The following LPAR1 variants were observed in gnomAD, a reference collection of about 807,000 sequenced individuals.
LPAR1 encodes the protein lysophosphatidic acid receptor 1.
A neutral mutation model predicts 23.8 loss-of-function variants in LPAR1; 5 were observed. The ratio of observed to expected loss-of-function variants is 0.21; its 90% CI spans 0.11 to 0.44. LPAR1 has a LOEUF of 0.44. Among genes scored for constraint, LPAR1 ranks in the 20% least tolerant of loss-of-function variants. The probability of loss-of-function intolerance (pLI) is 0.99; values close to 1 mark genes in which losing one functional copy is unlikely to be tolerated. For synonymous variants in LPAR1, 160 were observed against 164.7 expected (o/e 0.97, Z 0.22); for missense variants, 311 against 482.8 (o/e 0.64, Z 3.33).
intron 5 of LPAR1, among the ~76,000 whole-genome samples, chr9:110,887,458 C>T (rs2082720618): frequency 1.3e-5 from 2 of 152,022 alleles, no homozygotes; most frequent in Admixed American, 1.3e-4. Context: ...CCTATAGCTG[C>T]CAAATGCCCT....
intron 5 of LPAR1, among the ~76,000 whole-genome samples, chr9:110,891,986 C>T (rs933658005): frequency 6.6e-6 from 1 of 152,306 alleles, no homozygotes; most frequent in African/African-American, 2.4e-5. Context: ...TTGGCAGCTT[C>T]CTCAAAAGTT....
intron 2 of LPAR1, among the ~76,000 whole-genome samples, chr9:111,025,420 A>G (rs2097670748): frequency 6.6e-6 from 1 of 152,076 alleles, no homozygotes. Context: ...AATTTGTTTT[A>G]AGCTCCTTGT....
chr9:110,948,154 C>A (rs1236206302), intron 4 of LPAR1, among the ~76,000 whole-genome samples: 1 of 152,050 alleles, frequency 6.6e-6, no homozygotes, highest in Non-Finnish European at 1.5e-5. Flanking sequence ...TTCTTAAATT[C>A]AAAATAATCA....
At position 110,891,616 on chromosome 9, in the gene LPAR1, C is replaced by T. The variant is rs534615623; in HGVS notation, c.794-15894G>A. On this transcript the variant is annotated intron_variant, in intron 5 of 5. Transcript: ENST00000683809. ...AAACATGAAGAAAAGATCAAATGCT[C>T]AATAAATAGTCTTGGAATAATTTGA... Among the ~76,000 whole-genome samples the T allele has an allele frequency of 2.6e-5, 4 of 152,186 alleles. No homozygotes were observed. In the East Asian group the frequency reaches 7.7e-4, roughly 29 times the overall value.
intron 5 of LPAR1, among the ~76,000 whole-genome samples, chr9:110,897,262 T>C (rs914505235): frequency 6.6e-6 from 1 of 152,134 alleles, no homozygotes; most frequent in Non-Finnish European, 1.5e-5. Flanking sequence ...GTTCTCATGA[T>C]AGCAAATGGG....
chr9:111,029,277 T>C (rs901104124), intron 2 of LPAR1, among the ~76,000 whole-genome samples: 4 of 152,152 alleles, frequency 2.6e-5, no homozygotes, highest in African/African-American at 9.7e-5. Flanking sequence ...AGCCACCAGC[T>C]GAAAATCTCT....
intron 5 of LPAR1, among the ~76,000 whole-genome samples, chr9:110,879,851 G>A (rs1012000117): frequency 6.6e-6 from 1 of 152,228 alleles, no homozygotes; most frequent in East Asian, 1.9e-4. Context: ...TGAGATGGAT[G>A]AGACAGAGAA....
intron 2 of LPAR1, among the ~76,000 whole-genome samples, chr9:110,988,799 A>G (rs1332833852): frequency 6.6e-6 from 1 of 152,276 alleles, no homozygotes; most frequent in East Asian, 1.9e-4. Flanking sequence ...GCCCAAAAGA[A>G]CTGAAAATAT....
intron 2 of LPAR1, among the ~76,000 whole-genome samples, chr9:111,024,670 A>C (rs1202267139): frequency 6.6e-6 from 1 of 151,654 alleles, no homozygotes; most frequent in East Asian, 1.9e-4. Context: ...CATCTACATT[A>C]GGTATTTCTC....
At chr9:110,946,479 A>G (rs10980652) in intron 4 of LPAR1, among the ~76,000 whole-genome samples, 26,587 of 152,060 alleles carry the variant, frequency 0.17, 3,131 homozygotes, top group East Asian at 0.6. Context: ...CTAAAGACAG[A>G]GAGAATCAGA....
chr9:110,944,477 T>C (rs2095302007), intron 4 of LPAR1, among the ~76,000 whole-genome samples: 1 of 152,218 alleles, frequency 6.6e-6, no homozygotes, highest in South Asian at 2.1e-4. Flanking sequence ...TAAAAGTCTG[T>C]TCTTTTCATT....
rs527334035 is a variant in LPAR1 at position 110,984,804 on chromosome 9, A to G, written c.-181-11246T>C. Among the ~76,000 whole-genome samples, 405 of 105,232 alleles carry G rather than the reference A, an allele frequency of 3.8e-3. 1 individual carries two copies. Among genetic ancestry groups the G allele is most frequent in the Non-Finnish European group, 6.9e-3 (341 of 49,672 alleles). 69.0% of individuals were successfully genotyped at this position (105,232 alleles called of 152,430 possible). The stretch of plus-strand genomic sequence containing the variant: ...AAAGAATGCAGTTTTAACTAATAGG[A>G]AAAAAAAAAAGCTATACAGTTGAAA... On this transcript the variant is annotated intron_variant, in intron 2 of 5. Transcript: ENST00000683809.
At chr9:110,982,667 A>T (rs892298965) in intron 2 of LPAR1, among the ~76,000 whole-genome samples, 18 of 151,942 alleles carry the variant, frequency 1.2e-4, no homozygotes, top group African/African-American at 4.3e-4. Context: ...GAAATTATGG[A>T]TATAAATCGC....
At chr9:110,975,213 G>A (rs2096529849) in intron 2 of LPAR1, among the ~76,000 whole-genome samples, 1 of 152,118 alleles carries the variant, frequency 6.6e-6, no homozygotes, top group Non-Finnish European at 1.5e-5. Context: ...AATATAGAGA[G>A]TTGCCTAAAA....
At chr9:110,958,445 T>G (rs964878220) in intron 4 of LPAR1, among the ~76,000 whole-genome samples, 1 of 152,138 alleles carries the variant, frequency 6.6e-6, no homozygotes, top group Non-Finnish European at 1.5e-5. Flanking sequence ...GCCAACCTAC[T>G]TTTTGACAAA....
intron 2 of LPAR1, among the ~76,000 whole-genome samples, chr9:111,008,718 C>A (rs2097268265): frequency 6.6e-6 from 1 of 152,092 alleles, no homozygotes; most frequent in Non-Finnish European, 1.5e-5. Context: ...GAATTTATAT[C>A]CGGACACTTG....
At chr9:110,898,377 T>C (rs1237849976) in intron 5 of LPAR1, among the ~76,000 whole-genome samples, 2 of 152,222 alleles carry the variant, frequency 1.3e-5, no homozygotes, top group Non-Finnish European at 2.9e-5. Flanking sequence ...TTTATGTAGA[T>C]TACCGTGTGC....
intron 5 of LPAR1, among the ~76,000 whole-genome samples, chr9:110,911,523 CAG>C (rs1458389840): frequency 6.6e-6 from 1 of 151,388 alleles, no homozygotes; most frequent in Admixed American, 6.6e-5. Context: ...GCCTGGGTGA[CAG>C]AGGAAGATCC....
chr9:111,018,628 TG>T (rs1173797865), intron 2 of LPAR1, among the ~76,000 whole-genome samples: 2 of 152,156 alleles, frequency 1.3e-5, no homozygotes, highest in Admixed American at 1.3e-4. Context: ...TATCTCTAGG[TG>T]GGGAGTATGG....
Sources: gnomAD v4.1 joint callset for allele counts (sites outside exome capture counted in the v4.1 genomes callset) on GRCh38, gnomAD v4.1.1 for gene constraint, MANE v1.5 for transcripts, NCBI Gene and HGNC (gene_info 2026-07-23, HGNC 2026-07-21) for gene names.